Variants in ADAMTSL1 observed in about 807,000 individuals in gnomAD.
ADAMTSL1 encodes the protein ADAMTS like 1.
ADAMTSL1 carries 126 observed loss-of-function variants against 201.8 expected under a neutral mutation model. The observed-to-expected ratio is 0.62, with a 90% CI of 0.54 to 0.72. The LOEUF is 0.72. ADAMTSL1 is among the 30% of genes least tolerant of loss of function. The pLI is 0.00. For synonymous variants in ADAMTSL1, 1,121 were observed against 903.4 expected (o/e 1.24, Z -4.32); for missense variants, 2,679 against 2,277.8 (o/e 1.18, Z -3.59).
At chr9:18,305,476 G>A (rs1049691972) in intron 2 of ADAMTSL1, among the ~76,000 whole-genome samples, 10 of 152,196 alleles carry the variant, frequency 6.6e-5, no homozygotes. Context: ...CTCGCTGCCA[G>A]CACAGCAGTC....
chr9:18,853,495 C>G (rs557155403), intron 23 of ADAMTSL1, among the ~76,000 whole-genome samples: 2 of 152,130 alleles, frequency 1.3e-5, no homozygotes, highest in Non-Finnish European at 2.9e-5. Context: ...TTAACAGGTC[C>G]AAGAGGAGTC....
In ADAMTSL1 at chr9:17,921,018, A is replaced by C. The variant is rs368728365; in HGVS notation, c.87+14096A>C. On this transcript the variant is annotated intron_variant, in intron 1 of 29. Transcript: ENST00000680146. Reference sequence around the variant, plus strand: ...GGCTTTCAGTAGATCTGTCTCTTTCAATTTAGGGAATATTTATTTTCATAT... The same window carrying C: ...GGCTTTCAGTAGATCTGTCTCTTTCCATTTAGGGAATATTTATTTTCATAT... 2.3e-4 allele frequency among the ~76,000 whole-genome samples: 35 copies of C among 152,268 alleles called. 1 individual carries two copies. In the South Asian group the frequency reaches 6.8e-3, roughly 30 times the overall value.
chr9:18,713,822 A>G (rs895549940), intron 14 of ADAMTSL1, among the ~76,000 whole-genome samples: 1 of 147,396 alleles, frequency 6.8e-6, no homozygotes, highest in Non-Finnish European at 1.5e-5. Context: ...CACCACACCT[A>G]TTCCAAAATT....
At chr9:18,359,859 G>T (rs1836438989) in intron 2 of ADAMTSL1, among the ~76,000 whole-genome samples, 1 of 18,546 alleles carries the variant, frequency 5.4e-5, no homozygotes, top group Non-Finnish European at 1.0e-4. Context: ...CCCCACCCCT[G>T]CTTTGACATT....
intron 20 of ADAMTSL1, among the ~76,000 whole-genome samples, chr9:18,805,333 A>G (rs1035513496): frequency 3.3e-5 from 5 of 152,202 alleles, no homozygotes; most frequent in African/African-American, 7.2e-5. Flanking sequence ...CTTTCTAACA[A>G]ATGTATTACC....
At chr9:18,894,462 G>C (rs1563897560) in intron 26 of ADAMTSL1, among the ~76,000 whole-genome samples, 1 of 150,830 alleles carries the variant, frequency 6.6e-6, no homozygotes, top group African/African-American at 2.4e-5. Flanking sequence ...TGATGAGAAT[G>C]AAGGTATTGA....
intron 26 of ADAMTSL1, among the ~76,000 whole-genome samples, chr9:18,904,533 C>G (rs1444609844): frequency 6.7e-6 from 1 of 148,418 alleles, no homozygotes. Flanking sequence ...ACTCAGGAGG[C>G]TGAGGTCGGG....
At chr9:18,492,638 ACT>A (rs1219539381) in intron 1 of ADAMTSL1, among the ~76,000 whole-genome samples, 1 of 152,194 alleles carries the variant, frequency 6.6e-6, no homozygotes, top group African/African-American at 2.4e-5. Context: ...TAAAAAAATA[ACT>A]CTATGAGTTA....
At chr9:18,656,863 C>T (rs1453164087) in intron 7 of ADAMTSL1, among the ~76,000 whole-genome samples, 6 of 151,720 alleles carry the variant, frequency 4.0e-5, no homozygotes, top group Non-Finnish European at 7.4e-5. Context: ...CTTTTTCCTT[C>T]TCTTCAGTTT....
chr9:18,902,723 C>G (rs908416845), intron 26 of ADAMTSL1, among the ~76,000 whole-genome samples: 1 of 152,044 alleles, frequency 6.6e-6, no homozygotes, highest in Non-Finnish European at 1.5e-5. Context: ...AAACCTAACG[C>G]TAGCAGAAGA....
intron 2 of ADAMTSL1, among the ~76,000 whole-genome samples, chr9:18,419,779 C>T (rs998465166): frequency 7.0e-6 from 1 of 143,272 alleles, no homozygotes; most frequent in Non-Finnish European, 1.5e-5. Flanking sequence ...GTCGCTCAGG[C>T]TGGAGTGCAG....
At chr9:18,631,640 C>T (rs192486647) in intron 5 of ADAMTSL1, among the ~76,000 whole-genome samples, 1 of 152,128 alleles carries the variant, frequency 6.6e-6, no homozygotes, top group Non-Finnish European at 1.5e-5. Flanking sequence ...TCCTCATCAC[C>T]TTTCTCTGAC....
At chr9:18,031,865 C>G (rs1016506824) in intron 1 of ADAMTSL1, among the ~76,000 whole-genome samples, 2 of 152,162 alleles carry the variant, frequency 1.3e-5, no homozygotes, top group Non-Finnish European at 2.9e-5. Context: ...TGGGATATGT[C>G]TGTGAGTGGT....
intron 2 of ADAMTSL1, among the ~76,000 whole-genome samples, chr9:18,506,467 A>G (rs540367595): frequency 6.6e-6 from 1 of 152,202 alleles, no homozygotes; most frequent in Non-Finnish European, 1.5e-5. Flanking sequence ...TGTCTCAGTG[A>G]TGTGTATGTC....
chr9:18,503,082 A>G (rs1822924739), intron 1 of ADAMTSL1, among the ~76,000 whole-genome samples: 1 of 152,010 alleles, frequency 6.6e-6, no homozygotes. Flanking sequence ...AAGTATATAT[A>G]TTTATACACT....
At chr9:18,315,504 G>C (rs1049385580) in intron 2 of ADAMTSL1, among the ~76,000 whole-genome samples, 2 of 152,164 alleles carry the variant, frequency 1.3e-5, no homozygotes, top group Non-Finnish European at 2.9e-5. Context: ...AGGCAGCTGA[G>C]GCCCAGCAAG....
chr9:17,931,526 A>T (rs531276272), intron 1 of ADAMTSL1, among the ~76,000 whole-genome samples: 2 of 152,198 alleles, frequency 1.3e-5, no homozygotes, highest in African/African-American at 2.4e-5. Flanking sequence ...TTAAACTCTA[A>T]AATTTCAAAG....
chr9:18,064,641 A>T (rs1822612313), intron 1 of ADAMTSL1, among the ~76,000 whole-genome samples: 1 of 152,002 alleles, frequency 6.6e-6, no homozygotes, highest in Non-Finnish European at 1.5e-5. Flanking sequence ...ATTCATAAAG[A>T]GGTAGACGAG....
At chr9:18,293,163 C>A (rs1239725787) in intron 2 of ADAMTSL1, among the ~76,000 whole-genome samples, 2 of 152,148 alleles carry the variant, frequency 1.3e-5, no homozygotes, top group African/African-American at 4.8e-5. Flanking sequence ...TCCAATCCAC[C>A]ACTGATGGGC....
Sources: gnomAD v4.1 joint callset for allele counts (sites outside exome capture counted in the v4.1 genomes callset) on GRCh38, gnomAD v4.1.1 for gene constraint, MANE v1.5 for transcripts, NCBI Gene and HGNC (gene_info 2026-07-23, HGNC 2026-07-21) for gene names.